The following WDFY4 variants were observed in gnomAD, a reference collection of about 807,000 sequenced individuals.
WDFY4 encodes WD repeat- and FYVE domain-containing protein 4.
In WDFY4, 169 loss-of-function variants were observed where a neutral mutation model predicts 351.9. That is an observed-to-expected ratio of 0.48 (90% CI 0.42 to 0.55). The LOEUF (loss-of-function observed/expected upper bound fraction) is 0.55, where lower values mean the gene tolerates loss of function less well. Ranked by LOEUF, WDFY4 falls within the 20% of genes least tolerant of loss-of-function variation. The probability of loss-of-function intolerance (pLI) is 0.00; values close to 1 mark genes in which losing one functional copy is unlikely to be tolerated. For missense variants in WDFY4, 3,803 were observed against 3,935.6 expected (o/e 0.97, Z 0.90); for synonymous variants, 1,622 against 1,574.6 (o/e 1.03, Z -0.71).
chr10:48,867,865 T>C (rs543259835), intron 40 of WDFY4, among the ~76,000 whole-genome samples: 4 of 152,340 alleles, frequency 2.6e-5, no homozygotes, highest in East Asian at 3.9e-4. Context: ...CTGTTGAATA[T>C]ATTATTTACC....
intron 1 of WDFY4, 67 bp from the exon 2 acceptor site, chr10:48,709,648 TA>T: frequency 7.2e-7 from 1 of 1,384,050 alleles, no homozygotes; most frequent in Non-Finnish European, 1.0e-6. Context: ...TACAGTACCT[TA>T]TCCACAGCCA....
At chr10:48,770,742 G>T (rs2065837745) in intron 13 of WDFY4, among the ~76,000 whole-genome samples, 1 of 152,188 alleles carries the variant, frequency 6.6e-6, no homozygotes, top group South Asian at 2.1e-4. Context: ...ATTAACTTTG[G>T]CACTTCTGCT....
chr10:48,735,657 A>C (rs571512253), intron 10 of WDFY4, among the ~76,000 whole-genome samples: 1 of 152,284 alleles, frequency 6.6e-6, no homozygotes, highest in South Asian at 2.1e-4. Context: ...ATTGGAGAAG[A>C]AAGCAGTTTT....
At chr10:48,805,868 A>C (rs2067236332) in intron 26 of WDFY4, 136 bp from the exon 27 acceptor site, 1 of 744,004 alleles carries the variant, frequency 1.3e-6, no homozygotes, top group East Asian at 2.7e-5. Flanking sequence ...GGAAATACAC[A>C]GCATGCCATG....
At chr10:48,973,455 T>A (rs1842420445) in intron 57 of WDFY4, among the ~76,000 whole-genome samples, 1 of 152,228 alleles carries the variant, frequency 6.6e-6, no homozygotes, top group Admixed American at 6.5e-5. Flanking sequence ...TTCATTGCTA[T>A]GACCGGGCAA....
intron 39 of WDFY4, among the ~76,000 whole-genome samples, chr10:48,837,154 CA>C (rs781033005): frequency 1.3e-5 from 2 of 151,916 alleles, no homozygotes; most frequent in Non-Finnish European, 2.9e-5. Context: ...AAAGCATTAG[CA>C]ATCAGAAAAT....
intron 43 of WDFY4, among the ~76,000 whole-genome samples, chr10:48,880,916 G>A (rs1295972178): frequency 6.6e-6 from 1 of 152,138 alleles, no homozygotes; most frequent in Admixed American, 6.5e-5. Flanking sequence ...GGTGAGGGGA[G>A]GGTGGAGGCT....
chr10:48,944,252 G>A (rs756583345), intron 49 of WDFY4, among the ~76,000 whole-genome samples: 9 of 152,254 alleles, frequency 5.9e-5, no homozygotes, highest in Non-Finnish European at 8.8e-5. Context: ...AGATGATGGT[G>A]TCTGGGCCTC....
At chr10:48,750,616 G>A (rs1292939894) in intron 12 of WDFY4, among the ~76,000 whole-genome samples, 1 of 152,220 alleles carries the variant, frequency 6.6e-6, no homozygotes, top group Non-Finnish European at 1.5e-5. Flanking sequence ...ACTGATCACA[G>A]TGCAAATCAA....
intron 39 of WDFY4, among the ~76,000 whole-genome samples, chr10:48,861,006 C>T (rs895478911): frequency 6.6e-6 from 1 of 151,862 alleles, no homozygotes; most frequent in Non-Finnish European, 1.5e-5. Context: ...AGTTGGCTAC[C>T]AATGTGGGTT....
intron 1 of WDFY4, among the ~76,000 whole-genome samples, chr10:48,706,612 G>A (rs781198374): frequency 3.9e-5 from 6 of 152,188 alleles, no homozygotes; most frequent in Non-Finnish European, 7.3e-5. Flanking sequence ...TTATGTAGAA[G>A]GAATGTCTGT....
intron 43 of WDFY4, 94 bp from the exon 44 acceptor site, chr10:48,890,485 C>T: frequency 6.9e-7 from 1 of 1,457,314 alleles, no homozygotes; most frequent in Admixed American, 2.0e-5. Flanking sequence ...CTCCAATTGC[C>T]CCATGGATGG....
chr10:48,748,968 T>C (rs1359329466), intron 12 of WDFY4, among the ~76,000 whole-genome samples: 1 of 152,036 alleles, frequency 6.6e-6, no homozygotes, highest in African/African-American at 2.4e-5. Flanking sequence ...TATGCCTTGG[T>C]GGCTGTGTTC....
intron 48 of WDFY4, 91 bp from the exon 49 acceptor site, chr10:48,943,239 G>GGT (rs1211425064): frequency 2.0e-6 from 3 of 1,468,408 alleles, no homozygotes; most frequent in Non-Finnish European, 2.7e-6. Context: ...CACAGAGCCA[G>GGT]GGCCTGCTGC....
chr10:48,966,042 G>A (rs536699161), intron 54 of WDFY4, among the ~76,000 whole-genome samples: 1 of 152,278 alleles, frequency 6.6e-6, no homozygotes, highest in African/African-American at 2.4e-5. Context: ...GGATTTGCCT[G>A]TGTTCTTTGG....
chr10:48,726,241 A>G (rs1241818317), intron 6 of WDFY4, among the ~76,000 whole-genome samples, 171 bp downstream of exon 6: 1 of 152,204 alleles, frequency 6.6e-6, no homozygotes, highest in Non-Finnish European at 1.5e-5. Context: ...TCCGGTAGAT[A>G]ATTCTACATG....
At chr10:48,947,563 C>T (rs1049877546) in intron 51 of WDFY4, among the ~76,000 whole-genome samples, 3 of 152,190 alleles carry the variant, frequency 2.0e-5, no homozygotes, top group Non-Finnish European at 4.4e-5. Flanking sequence ...TTAAGTTTAG[C>T]TGGGCCTCCT....
At chr10:48,920,456 T>C (rs377362948) in intron 47 of WDFY4, among the ~76,000 whole-genome samples, 9 of 152,086 alleles carry the variant, frequency 5.9e-5, no homozygotes, top group African/African-American at 1.9e-4. Context: ...ACATGGCACA[T>C]GTATACATAT....
In WDFY4 at chr10:48,693,660, TA is replaced by T. The variant is rs553978973; in HGVS notation, c.-18+8662del. Among the ~76,000 whole-genome samples the T allele has an allele frequency of 2.2e-4, 33 of 152,328 alleles. 1 individual carries two copies. The South Asian group carries it at 6.4e-3, about 30-fold the overall frequency. ...ACACCTCTTTAAGGAGCATCTATTCTAAACGCTTCATGTTACAGGTGGGAAA... is the reference window on the plus strand; with the variant it reads ...ACACCTCTTTAAGGAGCATCTATTCTAACGCTTCATGTTACAGGTGGGAAA... On this transcript the variant is annotated intron_variant, in intron 1 of 61. Coordinates refer to ENST00000325239, the MANE Select transcript of WDFY4 (RefSeq NM_001394531.1).
Sources: allele counts gnomAD v4.1 joint callset (sites outside exome capture counted in the v4.1 genomes callset), GRCh38; gene constraint gnomAD v4.1.1; transcripts MANE v1.5; gene names NCBI Gene and HGNC (gene_info 2026-07-23, HGNC 2026-07-21).